The following SH3RF2 variants were observed in gnomAD, a reference collection of about 807,000 sequenced individuals.
The protein encoded by SH3RF2 is E3 ubiquitin-protein ligase SH3RF2.
A neutral mutation model predicts 59.0 loss-of-function variants in SH3RF2; 43 were observed. The ratio of observed to expected loss-of-function variants is 0.73; its 90% confidence interval spans 0.57 to 0.94. SH3RF2 has a LOEUF of 0.94. Among genes scored for constraint, SH3RF2 ranks in the 40% least tolerant of loss-of-function variants. The probability of loss-of-function intolerance (pLI) is 0.00; values close to 1 mark genes in which losing one functional copy is unlikely to be tolerated. For synonymous variants in SH3RF2, 391 were observed against 391.5 expected (o/e 1.00, Z 0.01); for missense variants, 930 against 940.1 (o/e 0.99, Z 0.14).
chr5:146,007,203 A>G (rs1455447896), intron 4 of SH3RF2, among the ~76,000 whole-genome samples: 1 of 152,210 alleles, frequency 6.6e-6, no homozygotes, highest in African/African-American at 2.4e-5. Flanking sequence ...CCCTGGCTGC[A>G]GTGGGAGGAA....
rs144925815 is a variant in SH3RF2, at chr5:145,995,232, G to A, written c.379-4826G>A. ...ATGGAGGAGAGGAAAAGAAAACTCCGGACGGATGCTTCCTAAAGGTTGCTT... is the reference window on the plus strand; with the variant it reads ...ATGGAGGAGAGGAAAAGAAAACTCCAGACGGATGCTTCCTAAAGGTTGCTT... On this transcript the variant is annotated intron_variant, in intron 2 of 9. Coordinates refer to ENST00000359120, the MANE Select transcript of SH3RF2 (RefSeq NM_152550.4). Among the ~76,000 whole-genome samples, 126 of 152,230 alleles carry A rather than the reference G, an allele frequency of 8.3e-4. 5 individuals are homozygous for A. In the East Asian group the frequency reaches 8.9e-3, roughly 11 times the overall value.
chr5:146,079,065 G>C (rs1358265355), exon 10 of SH3RF2: 1 of 151,930 alleles, frequency 6.6e-6, no homozygotes, highest in African/African-American at 2.4e-5. Context: ...CTGACCCCAG[G>C]GATTTCTAAT....
chr5:145,963,206 T>C (rs535835738), intron 2 of SH3RF2, among the ~76,000 whole-genome samples: 11 of 151,928 alleles, frequency 7.2e-5, no homozygotes, highest in Middle Eastern at 3.4e-3. Flanking sequence ...CTTATTCCAC[T>C]TTTTTTTAAT....
intron 2 of SH3RF2, among the ~76,000 whole-genome samples, chr5:145,968,854 A>G (rs1352517031): frequency 6.6e-6 from 1 of 152,234 alleles, no homozygotes; most frequent in Non-Finnish European, 1.5e-5. Flanking sequence ...GCCTCAAACT[A>G]TGGACACAGG....
At chr5:145,999,976 C>T (rs557889383) in intron 2 of SH3RF2, 82 bp from the exon 3 acceptor site, 2 of 1,514,232 alleles carry the variant, frequency 1.3e-6, no homozygotes, top group African/African-American at 2.8e-5. Context: ...AAGCAAAGTA[C>T]AATAAAAGGG....
At chr5:146,031,823 A>G (rs1223302304) in intron 5 of SH3RF2, among the ~76,000 whole-genome samples, 1 of 152,168 alleles carries the variant, frequency 6.6e-6, no homozygotes, top group Non-Finnish European at 1.5e-5. Flanking sequence ...GCCACCATCC[A>G]AGACTGTAGC....
intron 6 of SH3RF2, 24 bp downstream of exon 6, chr5:146,047,887 A>G (rs1464900125): frequency 6.2e-6 from 10 of 1,609,476 alleles, no homozygotes; most frequent in Non-Finnish European, 8.5e-6. Flanking sequence ...TCATCCCTTC[A>G]CCCAAGTCCT....
intron 2 of SH3RF2, among the ~76,000 whole-genome samples, chr5:145,958,973 A>ATG (rs1271403202): frequency 6.6e-5 from 10 of 152,220 alleles, no homozygotes; most frequent in Admixed American, 6.5e-4. Flanking sequence ...ACATGGTCTC[A>ATG]CAGTTTATGG....
chr5:146,060,684 C>T (rs761748129), intron 9 of SH3RF2, among the ~76,000 whole-genome samples: 2 of 152,148 alleles, frequency 1.3e-5, no homozygotes, highest in Non-Finnish European at 2.9e-5. Context: ...ATGTGAAGTG[C>T]TTACATAGGG....
chr5:146,006,901 A>G (rs1430425871), intron 4 of SH3RF2, among the ~76,000 whole-genome samples: 1 of 152,216 alleles, frequency 6.6e-6, no homozygotes, highest in East Asian at 1.9e-4. Flanking sequence ...CATCTGGAAC[A>G]TGTGGGCTTC....
At position 146,013,824 on chromosome 5, in the gene SH3RF2, G is replaced by A. The variant is rs1761003924; in HGVS notation, c.822G>A (p.Val274=). Residue 274 remains valine (V), a synonymous_variant, in exon 5 of 10, where the codon GTG becomes GTA. Transcript: ENST00000359120. ...CCCGCACAAAAAACCTGTCCCTGGT[G>A]TCCTCGTCCTCCAGAGGCAACACGT... is the stretch of plus-strand genomic sequence containing the variant. ...QSSRTKNLSL[V]SSSSRGNTST... 3 of 1,614,156 alleles carry A rather than the reference G, an allele frequency of 1.9e-6. No individual in the cohort carries two copies. The East Asian group carries it at 6.7e-5, about 36-fold the overall frequency.
Position 146,037,352 on chromosome 5 carries a change from C to T in SH3RF2, c.1060-10420C>T, listed in dbSNP as rs145542955. On this transcript the variant is annotated intron_variant, in intron 5 of 9. Coordinates refer to ENST00000359120, the MANE Select transcript of SH3RF2 (RefSeq NM_152550.4). ...AGCCCCAAAAGTCCATTCTGTTAGC[C>T]GTGGCTGCATAGTGCCTCAAGAAGC... Among the ~76,000 whole-genome samples the T allele has an allele frequency of 2.1e-3, 323 of 152,270 alleles. 2 individuals carry two copies. The highest frequency in any genetic ancestry group is 5.8e-3 in the South Asian group (28 of 4,822).
chr5:146,008,339 G>A (rs529427396), intron 4 of SH3RF2, among the ~76,000 whole-genome samples: 57 of 152,338 alleles, frequency 3.7e-4, no homozygotes, highest in Admixed American at 9.8e-4. Context: ...TAGAAAAGCT[G>A]ACGGTGGTAC....
At chr5:146,048,216 G>C (rs1289990391) in intron 6 of SH3RF2, among the ~76,000 whole-genome samples, 3 of 152,132 alleles carry the variant, frequency 2.0e-5, no homozygotes, top group South Asian at 2.1e-4. Flanking sequence ...TTAGGAGGCT[G>C]AGGCAGGAGG....
At chr5:146,078,076 A>G (rs972777582) in intron 9 of SH3RF2, among the ~76,000 whole-genome samples, 2 of 152,216 alleles carry the variant, frequency 1.3e-5, no homozygotes, top group African/African-American at 4.8e-5. Context: ...TGTAAAAGGA[A>G]TTATGGAATT....
chr5:145,977,566 G>T (rs1457685484), intron 2 of SH3RF2, among the ~76,000 whole-genome samples: 1 of 152,120 alleles, frequency 6.6e-6, no homozygotes, highest in East Asian at 1.9e-4. Context: ...TAACTCCTGT[G>T]CCCAAAAAGA....
chr5:145,962,383 T>C (rs544041082), intron 2 of SH3RF2, among the ~76,000 whole-genome samples: 1 of 152,324 alleles, frequency 6.6e-6, no homozygotes, highest in African/African-American at 2.4e-5. Flanking sequence ...CACATGAGTG[T>C]TAAAAGCAAA....
chr5:145,956,774 G>T (rs1312197773), intron 2 of SH3RF2, among the ~76,000 whole-genome samples: 1 of 152,188 alleles, frequency 6.6e-6, no homozygotes, highest in Non-Finnish European at 1.5e-5. Context: ...GGATTGTGAA[G>T]GGGCAAGGAA....
At chr5:146,063,930 T>G (rs1762984441), downstream of SH3RF2, among the ~76,000 whole-genome samples, 1 of 152,214 alleles carries the variant, frequency 6.6e-6, no homozygotes, top group Non-Finnish European at 1.5e-5. Flanking sequence ...GGGGTTAGGA[T>G]CTATATTTGG....
Sources: gnomAD v4.1 joint callset for allele counts (sites outside exome capture counted in the v4.1 genomes callset) on GRCh38, gnomAD v4.1.1 for gene constraint, MANE v1.5 for transcripts, NCBI Gene and HGNC (gene_info 2026-07-23, HGNC 2026-07-21) for gene names.